Variants in IFIH1 observed in about 807,000 individuals in gnomAD.
The protein encoded by IFIH1 is interferon induced with helicase C domain 1.
A neutral mutation model predicts 107.4 loss-of-function variants in IFIH1; 125 were observed. That is an observed-to-expected ratio of 1.16 (90% CI 1.01 to 1.35). IFIH1 has a LOEUF of 1.35. IFIH1 is among the 40% of genes most tolerant of loss of function. The pLI is 0.00. For synonymous variants in IFIH1, 458 were observed against 413.2 expected, an observed-to-expected ratio of 1.11 and a Z score of -1.31; for missense variants, 1,333 against 1,213.7, an observed-to-expected ratio of 1.10 and a Z score of -1.46.
intron 13 of IFIH1, 37 bp from the exon 14 acceptor site, chr2:162,268,314 T>G: frequency 7.0e-7 from 1 of 1,428,006 alleles, no homozygotes. Context: ...GTTTCAGGTT[T>G]GTTTTCTTTT....
chr2:162,277,282 A>C, intron 10 of IFIH1, 133 bp downstream of exon 10: 2 of 669,556 alleles, frequency 3.0e-6, no homozygotes, highest in South Asian at 4.0e-5. Context: ...TCATATCATT[A>C]GAAATAGTTC....
intron 3 of IFIH1, among the ~76,000 whole-genome samples, chr2:162,298,121 G>T (rs1308567877): frequency 3.9e-5 from 6 of 152,104 alleles, no homozygotes; most frequent in Admixed American, 2.6e-4. Flanking sequence ...TGTAAAGTCT[G>T]CCCTCTGCTG....
chr2:162,316,467 GT>G (rs1162925569), intron 1 of IFIH1, among the ~76,000 whole-genome samples: 1 of 152,214 alleles, frequency 6.6e-6, no homozygotes, highest in Non-Finnish European at 1.5e-5. Context: ...TAATTTACTT[GT>G]TGGGAAAACT....
At chr2:162,308,683 C>T (rs1450539306) in intron 2 of IFIH1, among the ~76,000 whole-genome samples, 2 of 152,114 alleles carry the variant, frequency 1.3e-5, no homozygotes, top group African/African-American at 4.8e-5. Context: ...TGGCCTGGCT[C>T]ATTTAATCTT....
chr2:162,282,312 GT>G, intron 6 of IFIH1, 53 bp downstream of exon 6: 1 of 1,135,554 alleles, frequency 8.8e-7, no homozygotes, highest in Non-Finnish European at 1.3e-6. Flanking sequence ...TACAGCCTTT[GT>G]TATCATCAAT....
Position 162,282,587 on chromosome 2 carries a change from T to C in IFIH1, c.1096-11A>G. On this transcript the variant is annotated splice_polypyrimidine_tract_variant and intron_variant, in intron 5 of 15. Transcript: ENST00000649979. ...TTCAACTAGCAGTACCTTAAAAAAA[T>C]GTGAAGATTTTTTAAAAGAGAGAAA... 1 of 1,573,882 alleles carries C rather than the reference T, an allele frequency of 6.4e-7. No individual in the cohort carries two copies. Among genetic ancestry groups the C allele is most frequent in the African/African-American group, 1.4e-5 (1 of 73,478 alleles).
Position 162,318,182 on chromosome 2 carries a change from C to T in IFIH1, c.126G>A (p.Val42=). 6.2e-7 allele frequency: 1 copy of T among 1,614,230 alleles called. No homozygotes were observed. The highest frequency in any genetic ancestry group is 8.5e-7 in the Non-Finnish European group (1 of 1,180,040). Residue 42 remains valine (V), a synonymous_variant, in exon 1 of 16, where the codon GTG becomes GTA. Coordinates refer to ENST00000649979, the MANE Select transcript of IFIH1 (RefSeq NM_022168.4). The part of the protein sequence containing the change: ...LDYLTFLPAE[V]KEQIQRTVAT... ...CGACTGTCCTCTGAATCTGCTCCTT[C>T]ACCTCTGCAGGCAGAAAGGTCAGGT...
At chr2:162,314,449 T>TTTCTTTCTTTCTTTC (rs1683447113) in intron 1 of IFIH1, among the ~76,000 whole-genome samples, 2 of 123,026 alleles carry the variant, frequency 1.6e-5, no homozygotes, top group Non-Finnish European at 3.1e-5. Flanking sequence ...TCTTTCTTTC[T>TTTCTTTCTTTCTTTC]TTCTTTCTTT....
At chr2:162,313,473 T>C (rs1683418139) in intron 1 of IFIH1, among the ~76,000 whole-genome samples, 1 of 152,246 alleles carries the variant, frequency 6.6e-6, no homozygotes, top group Non-Finnish European at 1.5e-5. Context: ...AATTTGGTAA[T>C]AATACAACTC....
chr2:162,272,934 C>T (rs577973401), intron 12 of IFIH1, among the ~76,000 whole-genome samples: 40 of 152,164 alleles, frequency 2.6e-4, no homozygotes, highest in Non-Finnish European at 4.0e-4. Context: ...TTAATAGAAA[C>T]TTCTGTGGCC....
intron 4 of IFIH1, among the ~76,000 whole-genome samples, chr2:162,290,258 GA>G (rs1423709570): frequency 1.3e-5 from 2 of 151,696 alleles, no homozygotes. Flanking sequence ...ACTATTAAAA[GA>G]GTACATTTTA....
chr2:162,310,051 G>A (rs1683362982), intron 2 of IFIH1: 1 of 152,118 alleles, frequency 6.6e-6, no homozygotes, highest in South Asian at 2.1e-4. Flanking sequence ...CAGTTCCAAA[G>A]CCACTTCCAC....
chr2:162,312,109 C>T (rs1340787223), intron 1 of IFIH1, among the ~76,000 whole-genome samples: 2 of 152,076 alleles, frequency 1.3e-5, no homozygotes, highest in African/African-American at 4.8e-5. Flanking sequence ...TAGTTCTTTC[C>T]TACAAATTTA....
At chr2:162,273,713 G>T (rs532683421) in intron 12 of IFIH1, 82 bp downstream of exon 12, 5 of 1,020,468 alleles carry the variant, frequency 4.9e-6, no homozygotes, top group East Asian at 5.3e-5. Context: ...AGATGTTTTT[G>T]CTGTTTAACT....
rs1683561840 is a variant in IFIH1 at position 162,318,530 on chromosome 2, G to GGCGCGCGGGGCC, written c.-235_-224dup. The GGCGCGCGGGGCC allele has an allele frequency of 3.2e-6, 1 of 308,682 alleles. No homozygotes were observed. Among genetic ancestry groups the GGCGCGCGGGGCC allele is most frequent in the African/African-American group, 2.2e-5 (1 of 45,608 alleles). The allele number at this position is 308,682 out of a possible 1,614,324, so 19.1% of individuals were successfully genotyped here. A position where few individuals can be genotyped will look rare whatever the true frequency, so the allele number is the denominator to read the frequency against. ...CAGGCGGGCAGGTGGGCAGCGGGGC[G>GGCGCGCGGGGCC]GCGCGCGGGGCCGCGGCAGGCAGGT... On this transcript the variant is annotated 5_prime_UTR_variant, in exon 1 of 16. Transcript: ENST00000649979.
chr2:162,269,111 A>G (rs1011714007), intron 13 of IFIH1, among the ~76,000 whole-genome samples: 1 of 152,182 alleles, frequency 6.6e-6, no homozygotes, highest in Non-Finnish European at 1.5e-5. Context: ...TTTTTCATTC[A>G]GTGTCCATTT....
intron 4 of IFIH1, among the ~76,000 whole-genome samples, chr2:162,291,214 T>G (rs1242070414): frequency 1.3e-5 from 2 of 151,832 alleles, no homozygotes. Context: ...TAATATTCTA[T>G]TGGAACTACA....
In IFIH1 at chr2:162,267,243, T is replaced by C. The variant is rs931567064; in HGVS notation, c.3035A>G (p.Asn1012Ser). The change falls in exon 16 of 16, where the codon AAT (asparagine) becomes AGT (serine). Residue 1012 changes from asparagine (N) to serine (S), a missense_variant. By Grantham distance (46) the Asn-to-Ser change is conservative. Transcript: ENST00000649979. ...TAAACAGCATTCTGAATAGTCAAGA[T>C]TGGGAAATGTGATAGGTAATTCTAC... is the stretch of plus-strand genomic sequence containing the variant. ...KWVELPITFP[N>S]LDYSECCLFS... The C allele has an allele frequency of 3.1e-6, 5 of 1,607,796 alleles. No individual in the cohort carries two copies. Among genetic ancestry groups the C allele is most frequent in the Admixed American group, 1.7e-5 (1 of 58,498 alleles).
intron 4 of IFIH1, among the ~76,000 whole-genome samples, chr2:162,293,336 A>G (rs554406183): frequency 2.0e-5 from 3 of 152,008 alleles, no homozygotes; most frequent in African/African-American, 7.2e-5. Flanking sequence ...GGCATATGCC[A>G]GACCAGAAAG....
Sources: allele counts gnomAD v4.1 joint callset (sites outside exome capture counted in the v4.1 genomes callset), GRCh38; gene constraint gnomAD v4.1.1; transcripts MANE v1.5; gene names NCBI Gene and HGNC (gene_info 2026-07-23, HGNC 2026-07-21).